The following ZNF256 variants were observed in gnomAD, a reference collection of about 807,000 sequenced individuals.
ZNF256 encodes the protein zinc finger protein 256.
ZNF256 carries 4 observed loss-of-function variants against 7.9 expected under a neutral mutation model. The ratio of observed to expected loss-of-function variants is 0.50; its 90% CI spans 0.25 to 1.15. ZNF256 has a LOEUF of 1.15. Ranked by LOEUF, ZNF256 falls within the 50% of genes most tolerant of loss-of-function variation. The pLI, the probability that ZNF256 is intolerant of heterozygous loss-of-function variation, is 0.15. For missense variants in ZNF256, 666 were observed against 755.9 expected (o/e 0.88, Z 1.39); for synonymous variants, 260 against 260.4 (o/e 1.00, Z 0.02).
Position 57,941,341 on chromosome 19 carries a change from C to T in ZNF256, c.1467G>A (p.Arg489=). The T allele has an allele frequency of 6.2e-7, 1 of 1,613,952 alleles. No individual in the cohort carries two copies. Among genetic ancestry groups the T allele is most frequent in the Non-Finnish European group, 8.5e-7 (1 of 1,180,008 alleles). Residue 489 remains arginine, a synonymous_variant, in exon 3 of 3, where the codon AGG becomes AGA. Transcript: ENST00000282308. The part of the protein sequence containing the change: ...ISHWKVHTGA[R]PYECGECGKS... ...TCCCACACTCCCCACATTCATAAGG[C>T]CTTGCTCCAGTATGAACTTTCCAGT...
In ZNF256 at chr19:57,942,573, T is replaced by A; in HGVS notation, c.235A>T (p.Ile79Phe). 1 of 1,614,150 alleles carries A rather than the reference T, an allele frequency of 6.2e-7. No individual in the cohort carries two copies. ...TGGGGAGAAGGAAGGGCCTTAGGAATCCTAACCTGTGACACCCGCTGTGGA... is the reference window on the plus strand; with the variant it reads ...TGGGGAGAAGGAAGGGCCTTAGGAAACCTAACCTGTGACACCCGCTGTGGA... ...TSPQRVSQVR[I>F]PKALPSPQKT... The change falls in exon 3 of 3, where the codon ATT becomes TTT. Residue 79 changes from isoleucine to phenylalanine, a missense_variant. Ile to Phe is a conservative substitution (Grantham distance 21). Coordinates refer to ENST00000282308, the MANE Select transcript of ZNF256 (RefSeq NM_005773.3).
chr19:57,946,802 AAGG>A (rs991374682), intron 1 of ZNF256, among the ~76,000 whole-genome samples: 1 of 152,228 alleles, frequency 6.6e-6, no homozygotes, highest in African/African-American at 2.4e-5. Context: ...ACCAGAAAGC[AAGG>A]AGACTTGTGG....
chr19:57,944,294 C>T (rs1469093379), intron 1 of ZNF256, among the ~76,000 whole-genome samples: 2 of 152,168 alleles, frequency 1.3e-5, no homozygotes, highest in African/African-American at 4.8e-5. Context: ...AAGCTGTGGG[C>T]GTGGCATAAG....
At chr19:57,946,227 G>A (rs2072765350) in intron 1 of ZNF256, among the ~76,000 whole-genome samples, 3 of 152,086 alleles carry the variant, frequency 2.0e-5, no homozygotes, top group Admixed American at 6.5e-5. Context: ...ACCTTGGTGC[G>A]CACAACAGCC....
At chr19:57,944,459 T>A (rs1415923507) in intron 1 of ZNF256, among the ~76,000 whole-genome samples, 1 of 152,250 alleles carries the variant, frequency 6.6e-6, no homozygotes, top group Admixed American at 6.5e-5. Context: ...CACTGCCACA[T>A]GACCATGACC....
At chr19:57,943,348 T>C (rs2072743350) in intron 2 of ZNF256, among the ~76,000 whole-genome samples, 1 of 152,176 alleles carries the variant, frequency 6.6e-6, no homozygotes, top group Non-Finnish European at 1.5e-5. Context: ...TCTGAGTCCA[T>C]CTTGCTGTGG....
At position 57,942,432 on chromosome 19, in the gene ZNF256, G is replaced by C. The variant is rs1261799971; in HGVS notation, c.376C>G (p.Gln126Glu). ...TGAAGGTATGCAGTAAATTGTAATT[G>C]TTTCCTACATGCCCCGTCTGTATAC... Reference protein sequence around the residue: ...KLYTDGACRKQLQFTAYLHQH... With the variant: ...KLYTDGACRKELQFTAYLHQH... The change falls in exon 3 of 3, where the codon CAA (glutamine) becomes GAA (glutamate). Residue 126 changes from glutamine (Q) to glutamate (E), a missense_variant. Gln to Glu is a conservative substitution (Grantham distance 29, BLOSUM62 2). Coordinates refer to ENST00000282308, the MANE Select transcript of ZNF256 (RefSeq NM_005773.3). 1 of 1,614,234 alleles carries C rather than the reference G, an allele frequency of 6.2e-7. No homozygotes were observed. The highest frequency in any genetic ancestry group is 8.5e-7 in the Non-Finnish European group (1 of 1,180,050).
Position 57,941,680 on chromosome 19 carries a change from T to C in ZNF256, c.1128A>G (p.Thr376=). ...CACATTCACTGCACATATAAGGCCT[T>C]GTACCAGTGTGAACTCTCTGGTGTG... The part of the protein sequence containing the change: ...LITHQRVHTG[T]RPYMCSECGK... Residue 376 remains threonine (T), a synonymous_variant, in exon 3 of 3, where the codon ACA becomes ACG. Coordinates refer to ENST00000282308, the MANE Select transcript of ZNF256 (RefSeq NM_005773.3). The C allele has an allele frequency of 6.2e-7, 1 of 1,614,134 alleles. No individual in the cohort carries two copies. Among genetic ancestry groups the C allele is most frequent in the Non-Finnish European group, 8.5e-7 (1 of 1,180,026 alleles).
chr19:57,946,218 C>A (rs963693826), intron 1 of ZNF256, among the ~76,000 whole-genome samples: 1 of 152,206 alleles, frequency 6.6e-6, no homozygotes, highest in Non-Finnish European at 1.5e-5. Context: ...AGCTCACTAA[C>A]CTTGGTGCGC....
intron 1 of ZNF256, among the ~76,000 whole-genome samples, chr19:57,946,202 A>AC (rs1392018660): frequency 6.6e-6 from 1 of 152,154 alleles, no homozygotes; most frequent in Non-Finnish European, 1.5e-5. Flanking sequence ...CCTAACTGTG[A>AC]CCCACAGCTC....
chr19:57,943,916 T>C lies in ZNF256; in HGVS notation c.160+18A>G, dbSNP rs1486757373. The C allele has an allele frequency of 1.2e-6, 2 of 1,612,898 alleles. No individual in the cohort carries two copies. The highest frequency in any genetic ancestry group is 1.1e-5 in the South Asian group (1 of 90,994). On this transcript the variant is annotated intron_variant, in intron 2 of 2. Coordinates refer to ENST00000282308, the MANE Select transcript of ZNF256 (RefSeq NM_005773.3). ...CAAAGGCTAGCTCGGGGCATAGAGG[T>C]GGGTGTGAGGACCTTACCCAGGGAG...
chr19:57,945,181 C>T (rs893309329), intron 1 of ZNF256, among the ~76,000 whole-genome samples: 2 of 152,136 alleles, frequency 1.3e-5, no homozygotes, highest in Non-Finnish European at 2.9e-5. Context: ...AGGCGTGAGC[C>T]ACCACGCCTG....
At position 57,947,612 on chromosome 19, in the gene ZNF256, G is replaced by A. The variant is rs537524152; in HGVS notation, c.-138C>T. ...CTCTCGCGCCTTCTCAGTCAGTCAC[G>A]GATGATGCTGACCCAGCGCTCCGGG... On this transcript the variant is annotated 5_prime_UTR_variant, in exon 1 of 3. Coordinates refer to ENST00000282308, the MANE Select transcript of ZNF256 (RefSeq NM_005773.3). 124 of 820,642 alleles carry A rather than the reference G, an allele frequency of 1.5e-4. No individual in the cohort carries two copies. The African/African-American group carries it at 2.1e-3, about 14-fold the overall frequency. The allele number at this position is 820,642 out of a possible 1,614,324, so 50.8% of individuals were successfully genotyped here. A position where few individuals can be genotyped will look rare whatever the true frequency, so the allele number is the denominator to read the frequency against.
rs1451183605 is a variant in ZNF256 at position 57,940,941 on chromosome 19, T to C, written c.1867A>G (p.Asn623Asp). ...TFNSNLLKHQ[N>D]VHKG ...CCTAACCTTTATCCCTTGTGAACGT[T>C]CTGATGTTTTAGGAGGTTGGAGTTG... The change falls in exon 3 of 3, where the codon AAC becomes GAC. Residue 623 changes from asparagine (N) to aspartate (D), a missense_variant. Coordinates refer to ENST00000282308, the MANE Select transcript of ZNF256 (RefSeq NM_005773.3). 4 of 1,613,872 alleles carry C rather than the reference T, an allele frequency of 2.5e-6. No individual in the cohort carries two copies. Among genetic ancestry groups the C allele is most frequent in the Non-Finnish European group, 3.4e-6 (4 of 1,179,754 alleles).
intron 1 of ZNF256, among the ~76,000 whole-genome samples, chr19:57,946,716 T>A (rs752405663): frequency 2.0e-5 from 3 of 152,170 alleles, no homozygotes; most frequent in Non-Finnish European, 4.4e-5. Flanking sequence ...AACTTGCTAT[T>A]ACCTCCTGAA....
chr19:57,945,305 T>C (rs889741999), intron 1 of ZNF256, among the ~76,000 whole-genome samples: 9 of 152,128 alleles, frequency 5.9e-5, no homozygotes, highest in African/African-American at 9.7e-5. Context: ...CCAGGTGCTG[T>C]AGAATGTAAG....
At chr19:57,943,226 A>G (rs1229852729) in intron 2 of ZNF256, among the ~76,000 whole-genome samples, 1 of 152,212 alleles carries the variant, frequency 6.6e-6, no homozygotes. Context: ...TTTGGCCCCA[A>G]ATGTCATTAG....
chr19:57,942,627 C>A lies in ZNF256; in HGVS notation c.181G>T (p.Glu61Ter). Residue 61 changes from glutamate to a stop codon, truncating the protein, a stop_gained, in exon 3 of 3, where the codon GAG becomes TAG. Coordinates refer to ENST00000282308, the MANE Select transcript of ZNF256 (RefSeq NM_005773.3). LOFTEE classifies it low-confidence loss of function (END_TRUNC). ...TSLGGSGAGD[E>*]EAPYQQSTSP... is the part of the protein sequence containing the mutation. ...GTGCTCTGCTGATAAGGTGCCTCCT[C>A]ATCCCCTGCTCCAGAACCACCTGAA... 1 of 1,613,596 alleles carries A rather than the reference C, an allele frequency of 6.2e-7. No individual in the cohort carries two copies. The highest frequency in any genetic ancestry group is 8.5e-7 in the Non-Finnish European group (1 of 1,179,568).
At position 57,942,598 on chromosome 19, in the gene ZNF256, A is replaced by C; in HGVS notation, c.210T>G (p.Ser70=). 6.2e-7 allele frequency: 1 copy of C among 1,614,192 alleles called. No individual in the cohort carries two copies. Among genetic ancestry groups the C allele is most frequent in the East Asian group, 2.2e-5 (1 of 44,884 alleles). Residue 70 remains serine (S), a synonymous_variant, in exon 3 of 3, where the codon TCT becomes TCG. Coordinates refer to ENST00000282308, the MANE Select transcript of ZNF256 (RefSeq NM_005773.3). ...TCCTAACCTGTGACACCCGCTGTGG[A>C]GAAGTGCTCTGCTGATAAGGTGCCT... The part of the protein sequence containing the change: ...DEEAPYQQST[S]PQRVSQVRIP...
Sources: gnomAD v4.1 joint callset for allele counts (sites outside exome capture counted in the v4.1 genomes callset) on GRCh38, gnomAD v4.1.1 for gene constraint, MANE v1.5 for transcripts, NCBI Gene and HGNC (gene_info 2026-07-23, HGNC 2026-07-21) for gene names.